Variants in CRAT observed in about 807,000 individuals in gnomAD.
CRAT encodes carnitine O-acetyltransferase.
In CRAT, 66 loss-of-function variants were observed where a neutral mutation model predicts 73.7. The ratio of observed to expected loss-of-function variants is 0.90; its 90% CI spans 0.73 to 1.10. The LOEUF is 1.10. Ranked by LOEUF, CRAT falls within the 50% of genes least tolerant of loss-of-function variation. The pLI is 0.00. For missense variants in CRAT, 745 were observed against 846.9 expected (o/e 0.88, Z 1.49); for synonymous variants, 321 against 343.2 (o/e 0.94, Z 0.71).
At chr9:129,108,792 T>C (rs1175126594) in intron 1 of CRAT, 1 of 1,304,302 alleles carries the variant, frequency 7.7e-7, no homozygotes, top group South Asian at 1.2e-5. Context: ...TCCTCCTCCA[T>C]GGCAGGACTG....
At position 129,098,551 on chromosome 9, in the gene CRAT, C is replaced by T; in HGVS notation, c.1185G>A (p.Lys395=). The T allele has an allele frequency of 6.2e-7, 1 of 1,608,200 alleles. No individual in the cohort carries two copies. The highest frequency in any genetic ancestry group is 8.5e-7 in the Non-Finnish European group (1 of 1,178,202). Residue 395 remains lysine, a synonymous_variant, in exon 9 of 14, where the codon AAG becomes AAA. Transcript: ENST00000318080. ...ITPEIKSDIE[K]AKQNLSIMIQ... is the part of the protein sequence containing the mutation. Reference sequence around the variant, plus strand: ...CTTACATGCTGAGGTTCTGCTTGGCCTTCTCGATGTCGCTCTTGATCTCGG... The same window carrying T: ...CTTACATGCTGAGGTTCTGCTTGGCTTTCTCGATGTCGCTCTTGATCTCGG...
At chr9:129,097,971 G>C (rs764462565) in intron 11 of CRAT, 42 bp downstream of exon 11, 5 of 1,601,008 alleles carry the variant, frequency 3.1e-6, no homozygotes, top group South Asian at 1.1e-5. Flanking sequence ...AGGAGGGAGG[G>C]GCTCAGGCCC....
chr9:129,097,896 C>T, intron 11 of CRAT, 117 bp downstream of exon 11: 2 of 1,428,866 alleles, frequency 1.4e-6, no homozygotes, highest in Non-Finnish European at 1.9e-6. Flanking sequence ...CTGTTAGATT[C>T]CCCGTGCCCA....
chr9:129,101,843 G>C, intron 6 of CRAT, 40 bp downstream of exon 6: 1 of 1,601,754 alleles, frequency 6.2e-7, no homozygotes, highest in Non-Finnish European at 8.5e-7. Flanking sequence ...CAGGGGAAGA[G>C]GCCTGGGTGT....
intron 5 of CRAT, 152 bp downstream of exon 5, chr9:129,102,248 C>T: frequency 7.9e-7 from 1 of 1,261,164 alleles, no homozygotes; most frequent in Non-Finnish European, 1.1e-6. Context: ...TCCTGGCCTC[C>T]CTGGGCCCCC....
At chr9:129,109,218 T>A in intron 1 of CRAT, 1 of 1,304,240 alleles carries the variant, frequency 7.7e-7, no homozygotes, top group Non-Finnish European at 1.0e-6. Context: ...GAGGGAAAAC[T>A]TGGCTGGAGG....
chr9:129,100,360 G>T, intron 7 of CRAT, 151 bp downstream of exon 7: 1 of 948,362 alleles, frequency 1.1e-6, no homozygotes, highest in Non-Finnish European at 1.5e-6. Context: ...TGGCTGCCTG[G>T]TAATTACGGC....
At chr9:129,108,696 CAG>C in intron 1 of CRAT, 1 of 1,297,932 alleles carries the variant, frequency 7.7e-7, no homozygotes, top group Non-Finnish European at 1.0e-6. Context: ...CTGGAGTGGG[CAG>C]AGACAGGAGG....
At chr9:129,096,166 G>A in intron 12 of CRAT, 31 bp from the exon 13 acceptor site, 1 of 1,610,250 alleles carries the variant, frequency 6.2e-7, no homozygotes, top group Non-Finnish European at 8.5e-7. Context: ...TCAGGAGCAG[G>A]GGCTGTGGAC....
chr9:129,110,631 G>A lies in CRAT; in HGVS notation c.-122C>T. 1 of 1,194,944 alleles carries A rather than the reference G, an allele frequency of 8.4e-7. No homozygotes were observed. The highest frequency in any genetic ancestry group is 1.1e-6 in the Non-Finnish European group (1 of 904,318). The allele number at this position is 1,194,944 out of a possible 1,614,324, so 74.0% of individuals were successfully genotyped here. A position where few individuals can be genotyped will look rare whatever the true frequency, so the allele number is the denominator to read the frequency against. ...CTAGAGCCTTCGGGCCAAGGTCGCT[G>A]AGTTACAGCCGCCAGCCGGTAGAGG... On this transcript the variant is annotated 5_prime_UTR_variant, in exon 1 of 14. Transcript: ENST00000318080. This position sits in a 1 kb window ranked among gnomAD's most constrained non-coding sequence, Gnocchi z 5.3.
intron 8 of CRAT, 24 bp from the exon 9 acceptor site, chr9:129,098,674 G>C (rs755078211): frequency 3.1e-6 from 5 of 1,591,744 alleles, no homozygotes; most frequent in Non-Finnish European, 4.3e-6. Context: ...GGGGCCTCAG[G>C]CTCATGCTGG....
chr9:129,109,328 T>G (rs1848231032), intron 1 of CRAT: 2 of 1,259,648 alleles, frequency 1.6e-6, no homozygotes, highest in Non-Finnish European at 2.1e-6. Context: ...AGGCCATCAG[T>G]GGATGGGACA....
At chr9:129,108,276 G>A in intron 1 of CRAT, 199 bp from the exon 2 acceptor site, 1 of 995,492 alleles carries the variant, frequency 1.0e-6, no homozygotes, top group East Asian at 2.8e-5. Flanking sequence ...GTAGGGATGG[G>A]GGAGGGTGGG....
intron 1 of CRAT, chr9:129,109,162 G>C: frequency 1.5e-6 from 2 of 1,304,070 alleles, no homozygotes; most frequent in Non-Finnish European, 2.0e-6. Flanking sequence ...CAGGACAAAA[G>C]GTAATAAAAA....
chr9:129,095,863 G>C, intron 13 of CRAT, 135 bp downstream of exon 13: 1 of 1,294,574 alleles, frequency 7.7e-7, no homozygotes, highest in Non-Finnish European at 1.1e-6. Context: ...GGGCTGCAGA[G>C]AGGCCCCTGC....
Position 129,110,385 on chromosome 9 carries a change from G to T in CRAT, c.27+98C>A. On this transcript the variant is annotated intron_variant, in intron 1 of 13. Coordinates refer to ENST00000318080, the MANE Select transcript of CRAT (RefSeq NM_000755.5). This position sits in a 1 kb window ranked among gnomAD's most constrained non-coding sequence, Gnocchi z 5.3. ...CACCCCATCAGCTGGAGGCCGGGTCGAACAGCGGCCGCAGGACGCGGTCTC... is the reference window on the plus strand; with the variant it reads ...CACCCCATCAGCTGGAGGCCGGGTCTAACAGCGGCCGCAGGACGCGGTCTC... 1.5e-6 allele frequency: 2 copies of T among 1,306,692 alleles called. No homozygotes were observed. Among genetic ancestry groups the T allele is most frequent in the African/African-American group, 1.5e-5 (1 of 64,530 alleles). 80.9% of individuals were successfully genotyped at this position (1,306,692 alleles called of 1,614,324 possible).
At position 129,095,461 on chromosome 9, in the gene CRAT, T is replaced by TAATGCGCCAGGC. The variant is rs776627595; in HGVS notation, c.1805_1816dup (p.His605_Tyr606insCysLeuAlaHis). On this transcript the variant is annotated inframe_insertion, in exon 14 of 14. Coordinates refer to ENST00000318080, the MANE Select transcript of CRAT (RefSeq NM_000755.5). ...CATGTCCAGGAGCGCCTTCTCCAGG[T>TAATGCGCCAGGC]AATGCGCCAGGCGGGCGGCGTTGGT... is the stretch of plus-strand genomic sequence containing the variant. 5.6e-6 allele frequency: 9 copies of TAATGCGCCAGGC among 1,613,348 alleles called. No individual in the cohort carries two copies. The highest frequency in any genetic ancestry group is 1.3e-5 in the African/African-American group (1 of 75,030).
Position 129,102,558 on chromosome 9 carries a change from G to A in CRAT, c.472C>T (p.Leu158=). The part of the protein sequence containing the change: ...DFKVMIDNET[L]PVEYLGGKPL... ...TTCCCCCCCAGGTACTCCACGGGCA[G>A]GGTCTCGCTATGGGGTAGAGGGGCA... Residue 158 remains leucine (L), a synonymous_variant, in exon 5 of 14, where the codon CTG becomes TTG. Coordinates refer to ENST00000318080, the MANE Select transcript of CRAT (RefSeq NM_000755.5). The A allele has an allele frequency of 6.2e-7, 1 of 1,614,090 alleles. No homozygotes were observed. The highest frequency in any genetic ancestry group is 8.5e-7 in the Non-Finnish European group (1 of 1,179,990).
rs1361408518 is a variant in CRAT, at chr9:129,107,748, A to G, written c.291+66T>C. Reference sequence around the variant, plus strand: ...AGCAAACGAACGGCCGTGCCAGAGCAGTGGGCACTGGAGAACTGTGCATGT... The same window carrying G: ...AGCAAACGAACGGCCGTGCCAGAGCGGTGGGCACTGGAGAACTGTGCATGT... On this transcript the variant is annotated intron_variant, in intron 2 of 13. Transcript: ENST00000318080. This position sits in a 1 kb window ranked among gnomAD's most constrained non-coding sequence, Gnocchi z 5.0. The G allele has an allele frequency of 4.4e-6, 7 of 1,605,874 alleles. No individual in the cohort carries two copies. Among genetic ancestry groups the G allele is most frequent in the Non-Finnish European group, 6.0e-6 (7 of 1,173,766 alleles).
Sources: allele counts gnomAD v4.1 joint callset, GRCh38; gene constraint gnomAD v4.1.1; non-coding constraint Gnocchi (gnomAD v3.1); transcripts MANE v1.5; gene names NCBI Gene and HGNC (gene_info 2026-07-23, HGNC 2026-07-21).